Variants in ANKRD26 observed in about 807,000 individuals in gnomAD.
ANKRD26 encodes the protein ankyrin repeat domain 26.
Under a neutral mutation model 208.7 loss-of-function variants are expected in ANKRD26, and 141 were observed. The observed-to-expected ratio is 0.68, with a 90% CI of 0.59 to 0.78. ANKRD26 has a LOEUF of 0.78. Ranked by LOEUF, ANKRD26 falls within the 30% of genes least tolerant of loss-of-function variation. ANKRD26 has a pLI of 0.00. For synonymous variants in ANKRD26, 636 were observed against 660.4 expected (o/e 0.96, Z 0.57); for missense variants, 1,889 against 1,938.7 (o/e 0.97, Z 0.48).
intron 3 of ANKRD26, among the ~76,000 whole-genome samples, chr10:26,985,912 G>A (rs2052378322): frequency 6.6e-6 from 1 of 152,122 alleles, no homozygotes. Flanking sequence ...TTTCTTCACA[G>A]AATTGGAAAA....
At chr10:27,072,938 C>A (rs111558807) in intron 9 of ANKRD26, among the ~76,000 whole-genome samples, 8 of 152,182 alleles carry the variant, frequency 5.3e-5, no homozygotes, top group African/African-American at 1.7e-4. Context: ...CTGGGAGACT[C>A]GAGGACAGGT....
chr10:27,027,488 G>A (rs549834651), intron 27 of ANKRD26, among the ~76,000 whole-genome samples: 2 of 152,252 alleles, frequency 1.3e-5, no homozygotes, highest in Admixed American at 1.3e-4. Flanking sequence ...TTCACAATAA[G>A]CAAAAGGCAG....
At chr10:26,951,008 C>CCTTTTTTTT in the ANKRD26 span, among the ~76,000 whole-genome samples, 1 of 62,696 alleles carries the variant, frequency 1.6e-5, no homozygotes, top group African/African-American at 8.6e-5. Flanking sequence ...TTTTTCTTTT[C>CCTTTTTTTT]TTTTCTTTTT....
intron 21 of ANKRD26, among the ~76,000 whole-genome samples, chr10:27,039,615 A>G (rs942847421): frequency 1.3e-5 from 2 of 152,190 alleles, no homozygotes; most frequent in Non-Finnish European, 2.9e-5. Flanking sequence ...ATATTGAAGA[A>G]TTTATTCAAA....
At chr10:27,008,198 T>C (rs1221364054) in intron 32 of ANKRD26, among the ~76,000 whole-genome samples, 1 of 152,018 alleles carries the variant, frequency 6.6e-6, no homozygotes, top group East Asian at 1.9e-4. Context: ...TAATAGGTAC[T>C]TTGTGGTGAT....
At chr10:27,031,562 A>G (rs1265251414) in intron 25 of ANKRD26, among the ~76,000 whole-genome samples, 1 of 152,180 alleles carries the variant, frequency 6.6e-6, no homozygotes, top group East Asian at 1.9e-4. Flanking sequence ...GATGGTGGTG[A>G]TGGCTAAGGG....
chr10:26,955,376 C>T, the ANKRD26 span, among the ~76,000 whole-genome samples: 4 of 151,082 alleles, frequency 2.6e-5, no homozygotes, highest in Non-Finnish European at 5.9e-5. Context: ...TGCAGTGAGC[C>T]GAGATCGCAC....
intron 2 of ANKRD26, 29 bp downstream of exon 2, chr10:27,093,652 CATCT>C: frequency 6.2e-7 from 1 of 1,602,972 alleles, no homozygotes; most frequent in Non-Finnish European, 8.5e-7. Context: ...AAGTCAAATC[CATCT>C]GATGCTGAAA....
chr10:27,020,850 G>A (rs933511313), intron 29 of ANKRD26, among the ~76,000 whole-genome samples: 5 of 152,044 alleles, frequency 3.3e-5, no homozygotes, highest in Non-Finnish European at 5.9e-5. Flanking sequence ...TGGTGGAGAC[G>A]GGGTTTTGCC....
chr10:27,062,647 A>G (rs2055099262), intron 12 of ANKRD26, among the ~76,000 whole-genome samples: 1 of 152,214 alleles, frequency 6.6e-6, no homozygotes, highest in African/African-American at 2.4e-5. Context: ...TAAAGTTGCT[A>G]GTGGGCTTTT....
chr10:27,065,554 T>C (rs543034399), intron 11 of ANKRD26, among the ~76,000 whole-genome samples: 2 of 152,192 alleles, frequency 1.3e-5, no homozygotes, highest in East Asian at 3.9e-4. Context: ...TGAATATTTA[T>C]TGTCACTGGA....
At chr10:26,952,769 A>T in the ANKRD26 span, among the ~76,000 whole-genome samples, 1 of 152,272 alleles carries the variant, frequency 6.6e-6, no homozygotes, top group Non-Finnish European at 1.5e-5. Context: ...CCAATTGGAC[A>T]TACGGCATTC....
chr10:27,095,576 G>A (rs560195727), intron 1 of ANKRD26, among the ~76,000 whole-genome samples: 27 of 152,262 alleles, frequency 1.8e-4, no homozygotes, highest in African/African-American at 6.3e-4. Flanking sequence ...GGCTGAGGCA[G>A]GAGAATCACT....
At chr10:26,967,883 C>T in the ANKRD26 span, among the ~76,000 whole-genome samples, 5 of 152,188 alleles carry the variant, frequency 3.3e-5, no homozygotes, top group Admixed American at 3.3e-4. Context: ...TACCTTACTT[C>T]TGGACAGCAT....
chr10:27,036,339 G>C (rs1207450105), intron 23 of ANKRD26, among the ~76,000 whole-genome samples: 1 of 151,064 alleles, frequency 6.6e-6, no homozygotes, highest in Non-Finnish European at 1.5e-5. Flanking sequence ...GTTTTGAAAA[G>C]GAAAAGTTAA....
chr10:26,959,369 CA>C, the ANKRD26 span, among the ~76,000 whole-genome samples: 1 of 151,540 alleles, frequency 6.6e-6, no homozygotes, highest in African/African-American at 2.4e-5. Context: ...CACAAAATGA[CA>C]ATATCAAAAG....
the ANKRD26 span, among the ~76,000 whole-genome samples, chr10:26,949,968 C>A: frequency 6.6e-5 from 10 of 152,148 alleles, no homozygotes; most frequent in African/African-American, 1.9e-4. Flanking sequence ...ATTGAAAAAA[C>A]CAGATTATTT....
In ANKRD26 at chr10:27,048,947, A is replaced by T. The variant is rs2054555264; in HGVS notation, c.1668T>A (p.Asn556Lys). 6.2e-7 allele frequency: 1 copy of T among 1,607,922 alleles called. No homozygotes were observed. The highest frequency in any genetic ancestry group is 2.2e-5 in the East Asian group (1 of 44,632). ...GTATGTTTGCTGATACTTCCATTTC[A>T]TTATTTCTGTGTTTTTTCCTTTCTT... ...VEEERKKHRN[N>K]EMEVSANIHD... is the part of the protein sequence containing the mutation. Residue 556 changes from asparagine (N) to lysine (K), a missense_variant, in exon 17 of 34, where the codon AAT becomes AAA. This residue lies in a region of ANKRD26 where 1,272 missense variants were observed against 1,273.8 expected (regional missense o/e 1.00). Coordinates refer to ENST00000376087, the MANE Select transcript of ANKRD26 (RefSeq NM_014915.3).
intron 19 of ANKRD26, 57 bp from the exon 20 acceptor site, chr10:27,043,624 G>T: frequency 6.5e-7 from 1 of 1,528,410 alleles, no homozygotes; most frequent in Non-Finnish European, 9.0e-7. Context: ...AGCACATACA[G>T]AAGTGGTAAT....
Sources: allele counts gnomAD v4.1 joint callset (sites outside exome capture counted in the v4.1 genomes callset), GRCh38; gene constraint gnomAD v4.1.1; regional missense constraint gnomAD v4.1.1; transcripts MANE v1.5; gene names NCBI Gene and HGNC (gene_info 2026-07-23, HGNC 2026-07-21).